Variants in SENP7 observed in about 807,000 individuals in gnomAD.
SENP7 encodes the protein sentrin-specific protease 7.
In SENP7, 64 loss-of-function variants were observed where a neutral mutation model predicts 141.2. That is an observed-to-expected ratio of 0.45 (90% CI 0.37 to 0.56). The LOEUF (loss-of-function observed/expected upper bound fraction) is 0.56, where lower values mean the gene tolerates loss of function less well. Ranked by LOEUF, SENP7 falls within the 20% of genes least tolerant of loss-of-function variation. The pLI is 0.00. For synonymous variants in SENP7, 382 were observed against 426.4 expected, an observed-to-expected ratio of 0.90 and a Z score of 1.28; for missense variants, 1,025 against 1,212.2, an observed-to-expected ratio of 0.85 and a Z score of 2.29.
At chr3:101,426,557 G>A (rs1208523961) in intron 4 of SENP7, among the ~76,000 whole-genome samples, 1 of 151,100 alleles carries the variant, frequency 6.6e-6, no homozygotes, top group African/African-American at 2.4e-5. Context: ...TTGACTCACT[G>A]CAACCTCTGC....
At chr3:101,402,662 A>C (rs187555304) in intron 5 of SENP7, among the ~76,000 whole-genome samples, 1 of 151,030 alleles carries the variant, frequency 6.6e-6, no homozygotes, top group African/African-American at 2.4e-5. Context: ...CCTGTACTCT[A>C]AAAATGGAAC....
At chr3:101,371,390 G>A (rs1004033972) in intron 7 of SENP7, among the ~76,000 whole-genome samples, 1 of 152,126 alleles carries the variant, frequency 6.6e-6, no homozygotes, top group Admixed American at 6.5e-5. Context: ...TAATCCAACA[G>A]ACCCCTAAAG....
At chr3:101,497,595 C>G (rs185441855) in intron 2 of SENP7, among the ~76,000 whole-genome samples, 2 of 151,384 alleles carry the variant, frequency 1.3e-5, no homozygotes, top group Admixed American at 1.3e-4. Context: ...CTTTGACCAA[C>G]AAATCTGTAA....
chr3:101,378,506 A>C (rs942403529), intron 6 of SENP7, among the ~76,000 whole-genome samples: 9 of 152,170 alleles, frequency 5.9e-5, no homozygotes, highest in Non-Finnish European at 1.0e-4. Flanking sequence ...AACACAGGAA[A>C]GCAAAGAGAA....
exon 1 of SENP7, chr3:101,513,208 GAAAGGAAAAAAAAAAAA>G: frequency 3.8e-5 from 10 of 261,576 alleles, no homozygotes; most frequent in Non-Finnish European, 5.4e-5. Flanking sequence ...AGGGGGAGGG[GAAAGGAAAAAAAAAAAA>G]AAAAAAAAAA....
intron 10 of SENP7, chr3:101,362,995 C>A (rs1347746514): frequency 6.1e-6 from 1 of 163,086 alleles, no homozygotes; most frequent in Non-Finnish European, 1.3e-5. Context: ...TCACACATTA[C>A]CAAACAGATT....
intron 4 of SENP7, among the ~76,000 whole-genome samples, chr3:101,442,520 C>A (rs2062717647): frequency 6.6e-6 from 1 of 152,194 alleles, no homozygotes; most frequent in African/African-American, 2.4e-5. Flanking sequence ...CCACCCACCC[C>A]CTGGCTCTGC....
chr3:101,377,830 C>T (rs764968025), intron 6 of SENP7, among the ~76,000 whole-genome samples: 3 of 152,104 alleles, frequency 2.0e-5, no homozygotes, highest in Non-Finnish European at 4.4e-5. Context: ...CATTATATTC[C>T]AGGTATGCTG....
intron 11 of SENP7, among the ~76,000 whole-genome samples, chr3:101,353,941 C>A (rs2059673448): frequency 6.6e-6 from 1 of 151,930 alleles, no homozygotes; most frequent in South Asian, 2.1e-4. Flanking sequence ...TCTCTAATAT[C>A]TTTACCCACC....
chr3:101,480,753 A>G (rs2064435908), intron 3 of SENP7, among the ~76,000 whole-genome samples: 1 of 152,198 alleles, frequency 6.6e-6, no homozygotes, highest in African/African-American at 2.4e-5. Context: ...ACTAATATCC[A>G]GAATACACAA....
intron 4 of SENP7, among the ~76,000 whole-genome samples, chr3:101,439,228 C>G (rs1197570686): frequency 9.8e-6 from 1 of 102,380 alleles, no homozygotes; most frequent in Non-Finnish European, 2.1e-5. Flanking sequence ...GCCGAGACCC[C>G]GTCTGGGAGG....
chr3:101,376,611 A>T (rs1474238848), intron 6 of SENP7, among the ~76,000 whole-genome samples: 1 of 151,608 alleles, frequency 6.6e-6, no homozygotes, highest in African/African-American at 2.4e-5. Context: ...AGGAAGGGGA[A>T]TATCACACTC....
intron 3 of SENP7, among the ~76,000 whole-genome samples, chr3:101,464,074 C>T (rs1184287356): frequency 6.6e-6 from 1 of 152,126 alleles, no homozygotes. Flanking sequence ...GATCCAGCCA[C>T]TCAGCCTCCA....
intron 3 of SENP7, 21 bp downstream of exon 3, chr3:101,493,852 T>C: frequency 7.2e-7 from 1 of 1,390,938 alleles, no homozygotes; most frequent in Middle Eastern, 1.9e-4. Context: ...ATACTTAAAA[T>C]AAATTAATTT....
At chr3:101,469,165 A>G (rs2063879167) in intron 3 of SENP7, among the ~76,000 whole-genome samples, 1 of 152,168 alleles carries the variant, frequency 6.6e-6, no homozygotes, top group African/African-American at 2.4e-5. Flanking sequence ...AGAGCTAACT[A>G]TCCTAAATAT....
rs563629944 is a variant in SENP7, at chr3:101,444,636, G to A, written c.284+14319C>T. ...AAATCATCATTCTCAGTAAACTATC[G>A]CAAGAACAAAAAACCAAACACCGTA... On this transcript the variant is annotated intron_variant, in intron 4 of 23. Coordinates refer to ENST00000394095, the MANE Select transcript of SENP7 (RefSeq NM_020654.5). 1.1e-4 allele frequency among the ~76,000 whole-genome samples: 16 copies of A among 150,064 alleles called. No individual in the cohort carries two copies. In the East Asian group the frequency reaches 2.2e-3, roughly 21 times the overall value.
intron 17 of SENP7, among the ~76,000 whole-genome samples, chr3:101,336,052 T>G (rs1294926486): frequency 6.6e-6 from 1 of 152,140 alleles, no homozygotes; most frequent in African/African-American, 2.4e-5. Context: ...CTCACAAGCA[T>G]CCCAATTTAG....
At chr3:101,346,919 A>G (rs2059474194) in intron 13 of SENP7, among the ~76,000 whole-genome samples, 1 of 151,856 alleles carries the variant, frequency 6.6e-6, no homozygotes, top group Non-Finnish European at 1.5e-5. Context: ...AAAAAAATTT[A>G]ATAAAAGATT....
Position 101,372,015 on chromosome 3 carries a change from C to T in SENP7, c.789G>A (p.Gln263=), listed in dbSNP as rs769559954. The change falls in exon 7 of 24, where the codon CAG becomes CAA. Residue 263 remains glutamine, a synonymous_variant. Coordinates refer to ENST00000394095, the MANE Select transcript of SENP7 (RefSeq NM_020654.5). The part of the protein sequence containing the change: ...DGISLLISDT[Q]PEDLNSGSRG... ...TTTCTAAGGTTCACAAACCTTCAGGCTGAGTATCAGATATTAAAAGAGAAA... is the reference window on the plus strand; with the variant it reads ...TTTCTAAGGTTCACAAACCTTCAGGTTGAGTATCAGATATTAAAAGAGAAA... The T allele has an allele frequency of 6.7e-7, 1 of 1,481,630 alleles. No homozygotes were observed. Among genetic ancestry groups the T allele is most frequent in the Admixed American group, 1.8e-5 (1 of 56,188 alleles). 91.8% of individuals were successfully genotyped at this position (1,481,630 alleles called of 1,614,324 possible). A position where few individuals can be genotyped will look rare whatever the true frequency, so the allele number is the denominator to read the frequency against.
Sources: allele counts gnomAD v4.1 joint callset (sites outside exome capture counted in the v4.1 genomes callset), GRCh38; gene constraint gnomAD v4.1.1; transcripts MANE v1.5; gene names NCBI Gene and HGNC (gene_info 2026-07-23, HGNC 2026-07-21).